The following PACS2 variants were observed in gnomAD, a reference collection of about 807,000 sequenced individuals.
The protein encoded by PACS2 is PACS1-like protein.
A neutral mutation model predicts 113.0 loss-of-function variants in PACS2; 36 were observed. The ratio of observed to expected loss-of-function variants is 0.32; its 90% CI spans 0.24 to 0.42. PACS2 has a LOEUF of 0.42. Among genes scored for constraint, PACS2 ranks in the 10% least tolerant of loss-of-function variants. The pLI is 1.00. For missense variants in PACS2, 1,015 were observed against 1,239.5 expected (o/e 0.82, Z 2.72); for synonymous variants, 589 against 536.1 (o/e 1.10, Z -1.36).
rs147726534 is a variant in PACS2, at chr14:105,364,085, T to A, written c.424-3128T>A. ...CTGATCACAGATCACCATACAGATA[T>A]AATAATAGTGAAGAAGTTTGAAATA... On this transcript the variant is annotated intron_variant, in intron 4 of 24. Transcript: ENST00000447393. 1.2e-4 allele frequency among the ~76,000 whole-genome samples: 18 copies of A among 152,232 alleles called. 1 individual carries two copies. In the East Asian group the frequency reaches 3.3e-3, roughly 28 times the overall value.
upstream of PACS2, among the ~76,000 whole-genome samples, chr14:105,312,966 C>A (rs1165937556): frequency 1.3e-5 from 2 of 152,168 alleles, no homozygotes; most frequent in Non-Finnish European, 2.9e-5. Flanking sequence ...ACCTCACAGG[C>A]CGCCATCTCC....
At chr14:105,364,352 G>C (rs1209936831) in intron 4 of PACS2, among the ~76,000 whole-genome samples, 1 of 147,222 alleles carries the variant, frequency 6.8e-6, no homozygotes, top group Non-Finnish European at 1.5e-5. Context: ...GTGGTGGGCG[G>C]TGTCCCGGGT....
chr14:105,333,340 G>A (rs906276704), intron 1 of PACS2, among the ~76,000 whole-genome samples: 6 of 152,226 alleles, frequency 3.9e-5, no homozygotes, highest in Non-Finnish European at 8.8e-5. Flanking sequence ...ACTACACTGG[G>A]AAGCTGCCCC....
chr14:105,387,418 C>T (rs1555413828), intron 19 of PACS2, among the ~76,000 whole-genome samples: 1 of 152,246 alleles, frequency 6.6e-6, no homozygotes, highest in East Asian at 1.9e-4. Context: ...CTCAGGCATC[C>T]GGCAGCTTGC....
chr14:105,381,141 G>T, intron 12 of PACS2, 42 bp downstream of exon 12: 1 of 1,568,308 alleles, frequency 6.4e-7, no homozygotes, highest in Non-Finnish European at 8.7e-7. Context: ...TGATGCACCT[G>T]TCGGGGGAGG....
intron 8 of PACS2, among the ~76,000 whole-genome samples, chr14:105,375,639 A>C (rs995840882): frequency 6.6e-6 from 1 of 152,226 alleles, no homozygotes; most frequent in Admixed American, 6.5e-5. Flanking sequence ...CCCCACTAGG[A>C]TGGCTGGAAC....
intron 22 of PACS2, chr14:105,392,038 G>C (rs1214845876): frequency 6.0e-6 from 3 of 498,356 alleles, no homozygotes; most frequent in Non-Finnish European, 1.1e-5. Context: ...TCTGTACACA[G>C]TTGGGGCTTT....
At chr14:105,304,519 T>C (rs587709823) in intron 1 of PACS2, among the ~76,000 whole-genome samples, 27 of 150,020 alleles carry the variant, frequency 1.8e-4, no homozygotes, top group Non-Finnish European at 3.3e-4. Flanking sequence ...AAATAAAATA[T>C]AAAAAAGGGT....
rs2061000386 is a variant in PACS2, at chr14:105,368,002, TG to T, written c.587-67del. On this transcript the variant is annotated intron_variant, in intron 5 of 24. Coordinates refer to ENST00000447393, the MANE Select transcript of PACS2 (RefSeq NM_001100913.3). ...CCCCCACTCTGTGTCCAGGGAAGCC[TG>T]GGGGTGGTCACTGCCTGGTTTCCCG... 8.3e-6 allele frequency: 8 copies of T among 962,712 alleles called. No individual in the cohort carries two copies. In the East Asian group the frequency reaches 1.7e-4, roughly 20 times the overall value. 59.6% of individuals were successfully genotyped at this position (962,712 alleles called of 1,614,324 possible). A position where few individuals can be genotyped will look rare whatever the true frequency, so the allele number is the denominator to read the frequency against.
chr14:105,311,176 A>G (rs2058341872), upstream of PACS2, among the ~76,000 whole-genome samples: 1 of 151,964 alleles, frequency 6.6e-6, no homozygotes, highest in Non-Finnish European at 1.5e-5. Context: ...ATGGTCACAA[A>G]CTCCTGACCT....
intron 18 of PACS2, 39 bp downstream of exon 18, chr14:105,385,026 G>A (rs781992170): frequency 3.4e-5 from 44 of 1,290,674 alleles, no homozygotes; most frequent in Middle Eastern, 2.4e-4. Flanking sequence ...ACAGGCTGCC[G>A]CCAGCCACCA....
At position 105,376,740 on chromosome 14, in the gene PACS2, A is replaced by G; in HGVS notation, c.802-28A>G. 6.2e-7 allele frequency: 1 copy of G among 1,607,188 alleles called. No individual in the cohort carries two copies. Among genetic ancestry groups the G allele is most frequent in the South Asian group, 1.1e-5 (1 of 90,840 alleles). ...TGGGGCAATGTGGGCTGCTGCAGGG[A>G]ACTCACGCGTGCCTGGCACCCGTGC... is the stretch of plus-strand genomic sequence containing the variant. On this transcript the variant is annotated intron_variant, in intron 8 of 24. Coordinates refer to ENST00000447393, the MANE Select transcript of PACS2 (RefSeq NM_001100913.3). This position sits in a 1 kb window ranked among gnomAD's most constrained non-coding sequence, Gnocchi z 4.7.
rs183189652 is a variant in PACS2, at chr14:105,320,935, C to T, written c.119+5898C>T. ...TGGGAGGCTGAGGTGGGTGGATTAC[C>T]GGAGGTTAGGAGTTCGAGACCAGCC... On this transcript the variant is annotated intron_variant, in intron 1 of 24. Transcript: ENST00000447393. Among the ~76,000 whole-genome samples the T allele has an allele frequency of 1.3e-3, 201 of 152,152 alleles. 1 individual carries two copies. The highest frequency in any genetic ancestry group is 0.011 in the South Asian group (54 of 4,816).
chr14:105,383,144 C>T (rs782583539), intron 15 of PACS2: 2 of 643,634 alleles, frequency 3.1e-6, no homozygotes, highest in Non-Finnish European at 5.5e-6. Context: ...CCTGGCCTGT[C>T]CTTGGAAGCC....
At chr14:105,342,881 G>A (rs2059785369) in intron 1 of PACS2, among the ~76,000 whole-genome samples, 1 of 150,118 alleles carries the variant, frequency 6.7e-6, no homozygotes, top group Non-Finnish European at 1.5e-5. Context: ...GTTGCAGTGA[G>A]CCAAGATCGC....
chr14:105,300,866 A>C (rs953732761), exon 1 of PACS2: 3 of 170,994 alleles, frequency 1.8e-5, no homozygotes, highest in African/African-American at 7.2e-5. Context: ...GGACGCGAGG[A>C]CTGGAGCCGC....
chr14:105,372,710 G>C (rs2141180352), intron 8 of PACS2: 1 of 152,272 alleles, frequency 6.6e-6, no homozygotes, highest in Middle Eastern at 3.4e-3. Flanking sequence ...GACCATCCTG[G>C]CTAACATGGT....
chr14:105,392,280 T>C (rs1163617427), intron 22 of PACS2: 5 of 386,104 alleles, frequency 1.3e-5, no homozygotes, highest in Non-Finnish European at 2.4e-5. Flanking sequence ...CCCCCCTGCC[T>C]CTGTGTTTCC....
At position 105,329,299 on chromosome 14, in the gene PACS2, TC is replaced by T. The variant is rs1566907794; in HGVS notation, c.119+14265del. Among the ~76,000 whole-genome samples, 1 of 152,168 alleles carries T rather than the reference TC, an allele frequency of 6.6e-6. No homozygotes were observed. Among genetic ancestry groups the T allele is most frequent in the Non-Finnish European group, 1.5e-5 (1 of 68,022 alleles). ...CTGTGTGATCTCTGTCCCCGTCTTCTCCCGGCTTCCTTGGGTCCTGTGTGCC... is the reference window on the plus strand; with the variant it reads ...CTGTGTGATCTCTGTCCCCGTCTTCTCCGGCTTCCTTGGGTCCTGTGTGCC... On this transcript the variant is annotated intron_variant, in intron 1 of 24. Coordinates refer to ENST00000447393, the MANE Select transcript of PACS2 (RefSeq NM_001100913.3). The surrounding 1 kb of genome is among the most constrained non-coding windows in gnomAD (Gnocchi z 6.4).
Sources: allele counts gnomAD v4.1 joint callset (sites outside exome capture counted in the v4.1 genomes callset), GRCh38; gene constraint gnomAD v4.1.1; non-coding constraint Gnocchi (gnomAD v3.1); transcripts MANE v1.5; gene names NCBI Gene and HGNC (gene_info 2026-07-23, HGNC 2026-07-21).